TNNI3K: variants seen among roughly 807,000 people sequenced by gnomAD.
TNNI3K encodes the protein serine/threonine-protein kinase TNNI3K.
In TNNI3K, 140 loss-of-function variants were observed where a neutral mutation model predicts 114.5. The observed-to-expected ratio is 1.22, with a 90% CI of 1.07 to 1.41. TNNI3K has a LOEUF of 1.41. TNNI3K is among the 40% of genes most tolerant of loss of function. The probability of loss-of-function intolerance (pLI) is 0.00; values close to 1 mark genes in which losing one functional copy is unlikely to be tolerated. For missense variants in TNNI3K, 1,125 were observed against 1,007.6 expected, an observed-to-expected ratio of 1.12 and a Z score of -1.58; for synonymous variants, 347 against 347.5, an observed-to-expected ratio of 1.00 and a Z score of 0.02.
At position 74,235,425 on chromosome 1, in the gene TNNI3K, C is replaced by T. The variant is rs1270248266; in HGVS notation, c.-27C>T. The T allele has an allele frequency of 2.7e-6, 4 of 1,496,114 alleles. No individual in the cohort carries two copies. The African/African-American group carries it at 5.7e-5, about 21-fold the overall frequency. The allele number at this position is 1,496,114 out of a possible 1,614,324, so 92.7% of individuals were successfully genotyped here. A position where few individuals can be genotyped will look rare whatever the true frequency, so the allele number is the denominator to read the frequency against. ...GAATCTTATAACTTGAAGAACTGCC[C>T]TGGAGAAAGGAAGAAACTTATAATA... On this transcript the variant is annotated 5_prime_UTR_variant, in exon 1 of 25. Coordinates refer to ENST00000326637, the MANE Select transcript of TNNI3K (RefSeq NM_015978.3).
At chr1:74,518,025 A>G (rs1355216698) in intron 23 of TNNI3K, among the ~76,000 whole-genome samples, 1 of 152,200 alleles carries the variant, frequency 6.6e-6, no homozygotes, top group African/African-American at 2.4e-5. Flanking sequence ...GTTTTTGAGC[A>G]AGCGATGACC....
At chr1:74,536,095 A>G (rs1171484609) in intron 23 of TNNI3K, among the ~76,000 whole-genome samples, 1 of 152,164 alleles carries the variant, frequency 6.6e-6, no homozygotes, top group Non-Finnish European at 1.5e-5. Context: ...TATAATGTAC[A>G]TTAACTCACT....
chr1:74,475,719 A>C, intron 21 of TNNI3K: 1 of 696,194 alleles, frequency 1.4e-6, no homozygotes. Flanking sequence ...AGGTTCTGCA[A>C]CAAAGGTTTT....
chr1:74,300,308 CAT>C (rs1428984138), intron 5 of TNNI3K, among the ~76,000 whole-genome samples: 18 of 152,190 alleles, frequency 1.2e-4, no homozygotes, highest in African/African-American at 3.9e-4. Context: ...TATGTGCTCA[CAT>C]AGTCATATAT....
chr1:74,508,592 A>G (rs994030609), intron 23 of TNNI3K, among the ~76,000 whole-genome samples: 3 of 152,218 alleles, frequency 2.0e-5, no homozygotes, highest in Non-Finnish European at 2.9e-5. Context: ...GACTGCATTC[A>G]GAGGATAAGT....
At chr1:74,271,498 C>A in intron 4 of TNNI3K, 100 bp from the exon 5 acceptor site, 1 of 1,131,676 alleles carries the variant, frequency 8.8e-7, no homozygotes, top group Non-Finnish European at 1.2e-6. Context: ...CCTTTGAGCA[C>A]CTGAACTGGC....
intron 21 of TNNI3K, among the ~76,000 whole-genome samples, chr1:74,467,805 G>A (rs1246889253): frequency 1.3e-5 from 2 of 151,994 alleles, no homozygotes; most frequent in African/African-American, 2.4e-5. Flanking sequence ...GAAGATTCTG[G>A]GGCCCTAATC....
chr1:74,372,835 G>A (rs189698524), intron 17 of TNNI3K: 1 of 151,908 alleles, frequency 6.6e-6, no homozygotes, highest in Admixed American at 6.6e-5. Flanking sequence ...TATAAATGTT[G>A]ATTAAAATAA....
intron 20 of TNNI3K, among the ~76,000 whole-genome samples, chr1:74,447,108 T>C (rs1666732631): frequency 6.6e-6 from 1 of 151,490 alleles, no homozygotes; most frequent in African/African-American, 2.4e-5. Context: ...GGGAATGGCA[T>C]TGAATCTGTA....
intron 23 of TNNI3K, among the ~76,000 whole-genome samples, chr1:74,538,089 C>T (rs988268182): frequency 6.6e-5 from 10 of 152,110 alleles, no homozygotes; most frequent in African/African-American, 2.2e-4. Context: ...TATACTGCTT[C>T]CTGCCAGGGA....
At chr1:74,423,168 C>T (rs772486224) in intron 17 of TNNI3K, among the ~76,000 whole-genome samples, 1 of 152,014 alleles carries the variant, frequency 6.6e-6, no homozygotes, top group African/African-American at 2.4e-5. Flanking sequence ...ACCACTTCCC[C>T]TCCCAGCCCT....
At chr1:74,480,017 T>C in intron 21 of TNNI3K, 3 of 604,696 alleles carry the variant, frequency 5.0e-6, no homozygotes, top group Non-Finnish European at 8.9e-6. Flanking sequence ...TCAGCTAATA[T>C]CCTCCCACAT....
chr1:74,492,259 T>A lies in TNNI3K; in HGVS notation c.2344T>A (p.Ser782Thr). The change falls in exon 23 of 25, where the codon TCC becomes ACC. Residue 782 changes from serine (S) to threonine (T), a missense_variant. Transcript: ENST00000326637. ...AAATGCAAGGTCCTATGCTGCTTTG[T>A]CCCAAAGGTGAGTGGTAATATAAGC... ...ALNARSYAAL[S>T]QSAGQYSSQG... is the part of the protein sequence containing the mutation. 1 of 1,555,022 alleles carries A rather than the reference T, an allele frequency of 6.4e-7. No individual in the cohort carries two copies. Among genetic ancestry groups the A allele is most frequent in the Non-Finnish European group, 8.8e-7 (1 of 1,141,672 alleles).
intron 17 of TNNI3K, among the ~76,000 whole-genome samples, chr1:74,423,114 C>A (rs546610444): frequency 6.6e-6 from 1 of 152,170 alleles, no homozygotes; most frequent in Admixed American, 6.6e-5. Context: ...TCCTTTCACG[C>A]TTCAGCTTAT....
chr1:74,445,711 T>C (rs1087091), intron 20 of TNNI3K, among the ~76,000 whole-genome samples: 35,387 of 148,434 alleles, frequency 0.24, 8,269 homozygotes, highest in African/African-American at 0.62. Context: ...CCCGGGTTCA[T>C]GCCATTCTCC....
chr1:74,454,788 C>T (rs1027289712), intron 20 of TNNI3K, among the ~76,000 whole-genome samples: 3 of 152,050 alleles, frequency 2.0e-5, no homozygotes, highest in Non-Finnish European at 1.5e-5. Flanking sequence ...TTTGAGAAAC[C>T]TCCATGCTGT....
At position 74,340,172 on chromosome 1, in the gene TNNI3K, C is replaced by T. The variant is rs543008107; in HGVS notation, c.683-2670C>T. Among the ~76,000 whole-genome samples, 6 of 151,944 alleles carry T rather than the reference C, an allele frequency of 3.9e-5. No individual in the cohort carries two copies. The East Asian group carries it at 1.2e-3, about 29-fold the overall frequency. The stretch of plus-strand genomic sequence containing the variant: ...TTATTTTATTTTTAGGGTCAATAAG[C>T]GGAAATAAAGAAGAAACAGCACCCA... On this transcript the variant is annotated intron_variant, in intron 7 of 24. Coordinates refer to ENST00000326637, the MANE Select transcript of TNNI3K (RefSeq NM_015978.3).
intron 4 of TNNI3K, among the ~76,000 whole-genome samples, chr1:74,255,638 G>A (rs945105347): frequency 1.2e-4 from 19 of 152,130 alleles, no homozygotes; most frequent in African/African-American, 4.3e-4. Flanking sequence ...GTTTTATTGA[G>A]GTTTAATATA....
intron 7 of TNNI3K, among the ~76,000 whole-genome samples, chr1:74,342,504 A>G (rs1217802762): frequency 1.3e-5 from 2 of 152,104 alleles, no homozygotes; most frequent in African/African-American, 4.8e-5. Flanking sequence ...TAGAAAAACA[A>G]TCAATTTGAA....
Sources: gnomAD v4.1 joint callset for allele counts (sites outside exome capture counted in the v4.1 genomes callset) on GRCh38, gnomAD v4.1.1 for gene constraint, MANE v1.5 for transcripts, NCBI Gene and HGNC (gene_info 2026-07-23, HGNC 2026-07-21) for gene names.